Variants in BATF3 observed in about 807,000 individuals in gnomAD.
BATF3 encodes basic leucine zipper ATF-like transcription factor 3.
A neutral mutation model predicts 16.1 loss-of-function variants in BATF3; 8 were observed. The observed-to-expected ratio is 0.50, with a 90% confidence interval of 0.29 to 0.90. The LOEUF is 0.90. BATF3 is among the 40% of genes least tolerant of loss of function. The probability of loss-of-function intolerance (pLI) is 0.08; values close to 1 mark genes in which losing one functional copy is unlikely to be tolerated. For synonymous variants in BATF3, 74 were observed against 72.7 expected (o/e 1.02, Z -0.09); for missense variants, 139 against 167.0 (o/e 0.83, Z 0.92).
chr1:212,688,697 A>G (rs1656922569), intron 2 of BATF3, among the ~76,000 whole-genome samples: 1 of 152,212 alleles, frequency 6.6e-6, no homozygotes, highest in Non-Finnish European at 1.5e-5. Context: ...AAGTTCTACA[A>G]AAAATAGCCA....
At chr1:212,696,129 C>G (rs1278526479) in intron 2 of BATF3, among the ~76,000 whole-genome samples, 1 of 149,984 alleles carries the variant, frequency 6.7e-6, no homozygotes, top group Non-Finnish European at 1.5e-5. Flanking sequence ...TAGATTAAGT[C>G]TTCCAGGGTG....
chr1:212,686,616 C>T lies in BATF3; in HGVS notation c.*175G>A, dbSNP rs1656855246. 8 of 1,103,094 alleles carry T rather than the reference C, an allele frequency of 7.3e-6. No homozygotes were observed. Among genetic ancestry groups the T allele is most frequent in the Non-Finnish European group, 1.0e-5 (8 of 800,862 alleles). 68.3% of individuals were successfully genotyped at this position (1,103,094 alleles called of 1,614,324 possible). On this transcript the variant is annotated 3_prime_UTR_variant, in exon 3 of 3. Transcript: ENST00000243440. ...GCACAAGGGCTCTGTGAGTTTGGCGCCTGTTGGATGTCGGGCTGAGCCCAG... is the reference window on the plus strand; with the variant it reads ...GCACAAGGGCTCTGTGAGTTTGGCGTCTGTTGGATGTCGGGCTGAGCCCAG...
At chr1:212,687,115 A>T in intron 2 of BATF3, 136 bp from the exon 3 acceptor site, 1 of 652,086 alleles carries the variant, frequency 1.5e-6, no homozygotes, top group Non-Finnish European at 2.8e-6. Flanking sequence ...AGATATTCAG[A>T]TATTTGTCTA....
At position 212,687,967 on chromosome 1, in the gene BATF3, A is replaced by AAAAGAAAGAAAGAAAGAAAG. The variant is rs796615441; in HGVS notation, c.196-1008_196-989dup. 8.0e-3 allele frequency among the ~76,000 whole-genome samples: 795 copies of AAAAGAAAGAAAGAAAGAAAG among 99,650 alleles called. 20 individuals carry two copies. The highest frequency in any genetic ancestry group is 0.011 in the Non-Finnish European group (581 of 50,722). The allele number at this position is 99,650 out of a possible 152,430, so 65.4% of individuals were successfully genotyped here. ...GGAAGAAGAAAGAGAGAAAGAAAAA[A>AAAAGAAAGAAAGAAAGAAAG]AAAGAAAGAAAGAAAGAAAGAAAGA... On this transcript the variant is annotated intron_variant, in intron 2 of 2. Coordinates refer to ENST00000243440, the MANE Select transcript of BATF3 (RefSeq NM_018664.3).
chr1:212,691,876 G>A (rs1479174908), intron 2 of BATF3, among the ~76,000 whole-genome samples: 1 of 152,232 alleles, frequency 6.6e-6, no homozygotes, highest in African/African-American at 2.4e-5. Flanking sequence ...TGTCAGTGTG[G>A]ACTTTGGCAC....
At chr1:212,688,816 T>C (rs1656925062) in intron 2 of BATF3, among the ~76,000 whole-genome samples, 1 of 152,226 alleles carries the variant, frequency 6.6e-6, no homozygotes. Flanking sequence ...AAGGCTTTGT[T>C]GTACCATGCA....
rs1325090922 is a variant in BATF3 at position 212,687,072 on chromosome 1, G to C, written c.196-93C>G. On this transcript the variant is annotated intron_variant, in intron 2 of 2. Coordinates refer to ENST00000243440, the MANE Select transcript of BATF3 (RefSeq NM_018664.3). ...CGCTGTTCACCTCTTGCCCATGAAA[G>C]CTGTCTCATTACGCATGTCCCCTCC... is the stretch of plus-strand genomic sequence containing the variant. 3.7e-5 allele frequency: 30 copies of C among 809,142 alleles called. No individual in the cohort carries two copies. The Admixed American group carries it at 5.2e-4, about 14-fold the overall frequency. 50.1% of individuals were successfully genotyped at this position (809,142 alleles called of 1,614,324 possible). A position where few individuals can be genotyped will look rare whatever the true frequency, so the allele number is the denominator to read the frequency against.
At position 212,697,011 on chromosome 1, in the gene BATF3, C is replaced by A; in HGVS notation, c.145G>T (p.Ala49Ser). 1 of 1,614,214 alleles carries A rather than the reference C, an allele frequency of 6.2e-7. No homozygotes were observed. Among genetic ancestry groups the A allele is most frequent in the Non-Finnish European group, 8.5e-7 (1 of 1,180,036 alleles). ...VRRREKNRVAAQRSRKKQTQK... is the reference protein window; with the variant it reads ...VRRREKNRVASQRSRKKQTQK... ...GTCTGCTTCTTCCGACTTCTCTGAG[C>A]AGCAACTCGGTTTTTTTCTCTCCTT... The change falls in exon 2 of 3, where the codon GCT (alanine) becomes TCT (serine). Residue 49 changes from alanine (A) to serine (S), a missense_variant. By Grantham distance (99) the Ala-to-Ser change is moderately conservative (BLOSUM62 1). Transcript: ENST00000243440.
At chr1:212,691,062 G>A (rs1656987181) in intron 2 of BATF3, among the ~76,000 whole-genome samples, 1 of 152,226 alleles carries the variant, frequency 6.6e-6, no homozygotes, top group Non-Finnish European at 1.5e-5. Flanking sequence ...GCTGCCCCAT[G>A]CATAAACAGT....
In BATF3 at chr1:212,689,726, C is replaced by T. The variant is rs777906175; in HGVS notation, c.196-2747G>A. On this transcript the variant is annotated intron_variant, in intron 2 of 2. Transcript: ENST00000243440. The surrounding 1 kb of genome is among the most constrained non-coding windows in gnomAD (Gnocchi z 4.6). Reference sequence around the variant, plus strand: ...ACACACACTCACACACTCTCATACACATTCACACACTCTTACACACATACA... The same window carrying T: ...ACACACACTCACACACTCTCATACATATTCACACACTCTTACACACATACA... Among the ~76,000 whole-genome samples, 1 of 151,846 alleles carries T rather than the reference C, an allele frequency of 6.6e-6. No individual in the cohort carries two copies. The highest frequency in any genetic ancestry group is 1.5e-5 in the Non-Finnish European group (1 of 67,930).
chr1:212,694,792 GA>G (rs1250839899), intron 2 of BATF3, among the ~76,000 whole-genome samples: 1 of 152,208 alleles, frequency 6.6e-6, no homozygotes, highest in Non-Finnish European at 1.5e-5. Flanking sequence ...AAATTCTTCA[GA>G]ACAAAGGCTA....
chr1:212,693,185 T>C (rs1431101207), intron 2 of BATF3, among the ~76,000 whole-genome samples: 1 of 152,230 alleles, frequency 6.6e-6, no homozygotes, highest in African/African-American at 2.4e-5. Context: ...CATCCAATGA[T>C]ACACACAGCT....
chr1:212,692,188 G>A (rs1204972037), intron 2 of BATF3, among the ~76,000 whole-genome samples: 1 of 152,158 alleles, frequency 6.6e-6, no homozygotes, highest in African/African-American at 2.4e-5. Context: ...AAGGAGGGGA[G>A]GGAGGTGGCC....
At chr1:212,694,194 T>C (rs1657072880) in intron 2 of BATF3, among the ~76,000 whole-genome samples, 1 of 152,116 alleles carries the variant, frequency 6.6e-6, no homozygotes, top group Admixed American at 6.6e-5. Context: ...AAACGAATCT[T>C]CTCCAGAACC....
In BATF3 at chr1:212,690,539, A is replaced by G. The variant is rs117912641; in HGVS notation, c.196-3560T>C. Among the ~76,000 whole-genome samples the G allele has an allele frequency of 1.3e-3, 193 of 152,366 alleles. 2 individuals carry two copies. The East Asian group carries it at 0.034, about 27-fold the overall frequency. On this transcript the variant is annotated intron_variant, in intron 2 of 2. Coordinates refer to ENST00000243440, the MANE Select transcript of BATF3 (RefSeq NM_018664.3). ...GTGAGACGAGCCCTTTGAAAATAAC[A>G]AGAGGAGCTGGGAGGGAAGAAAGAA... is the stretch of plus-strand genomic sequence containing the variant.
In BATF3 at chr1:212,699,315, C is replaced by T. The variant is rs1657208387; in HGVS notation, c.90+358G>A. Among the ~76,000 whole-genome samples the T allele has an allele frequency of 6.6e-6, 1 of 152,130 alleles. No homozygotes were observed. Among genetic ancestry groups the T allele is most frequent in the Admixed American group, 6.5e-5 (1 of 15,280 alleles). On this transcript the variant is annotated intron_variant, in intron 1 of 2. Coordinates refer to ENST00000243440, the MANE Select transcript of BATF3 (RefSeq NM_018664.3). The surrounding 1 kb of genome is among the most constrained non-coding windows in gnomAD (Gnocchi z 4.4). Reference sequence around the variant, plus strand: ...CAGGCGCGGGTGGTGGGGTGGCAGTCGCTGGCTGCGCCAGGATGGGGCGGC... The same window carrying T: ...CAGGCGCGGGTGGTGGGGTGGCAGTTGCTGGCTGCGCCAGGATGGGGCGGC...
In BATF3 at chr1:212,689,038, C is replaced by G. The variant is rs533235107; in HGVS notation, c.196-2059G>C. Among the ~76,000 whole-genome samples the G allele has an allele frequency of 6.6e-6, 1 of 152,340 alleles. No homozygotes were observed. Among genetic ancestry groups the G allele is most frequent in the East Asian group, 1.9e-4 (1 of 5,190 alleles). On this transcript the variant is annotated intron_variant, in intron 2 of 2. Coordinates refer to ENST00000243440, the MANE Select transcript of BATF3 (RefSeq NM_018664.3). This position sits in a 1 kb window ranked among gnomAD's most constrained non-coding sequence, Gnocchi z 4.6. ...GCATGGGTCCAGCTCAAGCCCACCA[C>G]CTCCAGGAAGGCTTCCCTGACCACA...
intron 2 of BATF3, among the ~76,000 whole-genome samples, chr1:212,693,888 G>A (rs1226980467): frequency 6.6e-6 from 1 of 152,202 alleles, no homozygotes; most frequent in African/African-American, 2.4e-5. Context: ...CCTCACAGAA[G>A]TTTACATTCT....
In BATF3 at chr1:212,699,680, T is replaced by A; in HGVS notation, c.83A>T (p.Gln28Leu). 2 of 1,338,460 alleles carry A rather than the reference T, an allele frequency of 1.5e-6. No homozygotes were observed. Among genetic ancestry groups the A allele is most frequent in the South Asian group, 1.9e-5 (1 of 53,722 alleles). The allele number at this position is 1,338,460 out of a possible 1,614,324, so 82.9% of individuals were successfully genotyped here. ...APGNQPQPQP[Q>L]QQSPEDDDRK... ...GAGCCTCTCGCCCTCTACCTGCTGC[T>A]GCGGCTGCGGCTGCGGCTGGTTCCC... Residue 28 changes from glutamine to leucine, a missense_variant, in exon 1 of 3, where the codon CAG becomes CTG. Gln to Leu is a moderately radical substitution (Grantham distance 113). Transcript: ENST00000243440. The surrounding 1 kb of genome is among the most constrained non-coding windows in gnomAD (Gnocchi z 4.4).
Sources: allele counts gnomAD v4.1 joint callset (sites outside exome capture counted in the v4.1 genomes callset), GRCh38; gene constraint gnomAD v4.1.1; non-coding constraint Gnocchi (gnomAD v3.1); transcripts MANE v1.5; gene names NCBI Gene and HGNC (gene_info 2026-07-23, HGNC 2026-07-21).